MAML2: variants seen among roughly 807,000 people sequenced by gnomAD.
MAML2 encodes mastermind like transcriptional coactivator 2.
A neutral mutation model predicts 96.1 loss-of-function variants in MAML2; 22 were observed. The ratio of observed to expected loss-of-function variants is 0.23; its 90% CI spans 0.16 to 0.33. The LOEUF (loss-of-function observed/expected upper bound fraction) is 0.33. MAML2 is among the 10% of genes least tolerant of loss of function. The pLI is 1.00. For synonymous variants in MAML2, 561 were observed against 521.3 expected, an observed-to-expected ratio of 1.08 and a Z score of -1.04; for missense variants, 1,367 against 1,392.4, an observed-to-expected ratio of 0.98 and a Z score of 0.29.
At chr11:96,112,169 G>A (rs1860139739) in intron 1 of MAML2, among the ~76,000 whole-genome samples, 1 of 152,182 alleles carries the variant, frequency 6.6e-6, no homozygotes, top group Admixed American at 6.5e-5. Context: ...ATCGGATAGG[G>A]CACTCTATAC....
chr11:96,299,932 G>T (rs1055755639), intron 1 of MAML2, among the ~76,000 whole-genome samples: 3 of 152,340 alleles, frequency 2.0e-5, no homozygotes, highest in Admixed American at 6.5e-5. Flanking sequence ...AACTGAAAGT[G>T]TTGGTAAGTT....
At chr11:96,300,061 G>T (rs1407498441) in intron 1 of MAML2, among the ~76,000 whole-genome samples, 4 of 152,138 alleles carry the variant, frequency 2.6e-5, no homozygotes, top group African/African-American at 7.2e-5. Context: ...AAGAACAGGA[G>T]GCTCAGAGAG....
intron 1 of MAML2, among the ~76,000 whole-genome samples, chr11:96,338,476 G>C (rs1404339373): frequency 1.3e-5 from 2 of 152,182 alleles, no homozygotes; most frequent in Non-Finnish European, 2.9e-5. Context: ...GAAACTTAAG[G>C]CTATTGAAAG....
At chr11:95,985,679 A>T in intron 3 of MAML2, 37 bp from the exon 4 acceptor site, 1 of 1,349,286 alleles carries the variant, frequency 7.4e-7, no homozygotes, top group African/African-American at 1.4e-5. Flanking sequence ...ATGTTGCATC[A>T]TTCCCTTTTC....
intron 1 of MAML2, among the ~76,000 whole-genome samples, chr11:96,203,921 C>T (rs1478404628): frequency 6.6e-6 from 1 of 152,172 alleles, no homozygotes; most frequent in African/African-American, 2.4e-5. Context: ...AGTGCTCTCA[C>T]AGGAAATAGA....
At chr11:96,293,083 GA>G (rs1333949701) in intron 1 of MAML2, among the ~76,000 whole-genome samples, 1 of 152,152 alleles carries the variant, frequency 6.6e-6, no homozygotes, top group Admixed American at 6.5e-5. Flanking sequence ...CCACATCTTA[GA>G]CATGCATACA....
chr11:96,245,334 GT>G (rs1394673992), intron 1 of MAML2, among the ~76,000 whole-genome samples: 1 of 150,120 alleles, frequency 6.7e-6, no homozygotes, highest in Admixed American at 6.7e-5. Flanking sequence ...ATATGAGAAT[GT>G]TTTGATAAAT....
Position 96,093,089 on chromosome 11 carries a change from G to A in MAML2, c.942C>T (p.Thr314=). The part of the protein sequence containing the change: ...PELQELFNEL[T]NISVPPMSDL... ...CACTCATGGGAGGCACAGATATGTT[G>A]GTCAGTTCATTGAACAGTTCCTGCA... is the stretch of plus-strand genomic sequence containing the variant. Residue 314 remains threonine, a synonymous_variant, in exon 2 of 5, where the codon ACC becomes ACT. Coordinates refer to ENST00000524717, the MANE Select transcript of MAML2 (RefSeq NM_032427.4). The A allele has an allele frequency of 6.2e-7, 1 of 1,613,968 alleles. No homozygotes were observed. The highest frequency in any genetic ancestry group is 8.5e-7 in the Non-Finnish European group (1 of 1,179,892).
chr11:96,330,683 G>A (rs1863840907), intron 1 of MAML2, among the ~76,000 whole-genome samples: 1 of 152,178 alleles, frequency 6.6e-6, no homozygotes, highest in Non-Finnish European at 1.5e-5. Flanking sequence ...ACTTGTGTGT[G>A]GGCAGTTGGT....
chr11:96,135,205 C>A (rs932406974), intron 1 of MAML2, among the ~76,000 whole-genome samples: 34 of 152,198 alleles, frequency 2.2e-4, no homozygotes, highest in African/African-American at 7.7e-4. Flanking sequence ...GTCTCTGTTC[C>A]CCCTTTATCT....
chr11:96,113,131 G>A (rs1175658431), intron 1 of MAML2, among the ~76,000 whole-genome samples: 1 of 150,804 alleles, frequency 6.6e-6, no homozygotes, highest in African/African-American at 2.4e-5. Flanking sequence ...AGGAGGAAGA[G>A]GAGGAGGAAA....
chr11:96,129,141 G>A (rs373130738), intron 1 of MAML2, among the ~76,000 whole-genome samples: 11 of 152,118 alleles, frequency 7.2e-5, no homozygotes, highest in Admixed American at 2.6e-4. Context: ...CAGGGCAGCC[G>A]TTATGTTCAA....
intron 1 of MAML2, among the ~76,000 whole-genome samples, chr11:96,259,192 A>G (rs1293925823): frequency 6.6e-6 from 1 of 152,092 alleles, no homozygotes; most frequent in Non-Finnish European, 1.5e-5. Flanking sequence ...TCAATTTTCT[A>G]AGTGAAGGCC....
At chr11:96,115,490 C>A (rs966930562) in intron 1 of MAML2, among the ~76,000 whole-genome samples, 1 of 149,468 alleles carries the variant, frequency 6.7e-6, no homozygotes. Context: ...TTTTTTTAAA[C>A]CCCATTCATA....
intron 2 of MAML2, among the ~76,000 whole-genome samples, chr11:96,002,793 G>A (rs562231891): frequency 2.9e-5 from 4 of 139,448 alleles, no homozygotes; most frequent in Non-Finnish European, 3.1e-5. Context: ...GAGGATGATG[G>A]GGATGATGAA....
intron 1 of MAML2, among the ~76,000 whole-genome samples, chr11:96,336,877 G>A (rs959660617): frequency 6.6e-6 from 1 of 152,118 alleles, no homozygotes; most frequent in Admixed American, 6.5e-5. Context: ...TAAACATTAC[G>A]ATTTAGAAAC....
chr11:96,329,042 T>C (rs1259967596), intron 1 of MAML2, among the ~76,000 whole-genome samples: 1 of 152,286 alleles, frequency 6.6e-6, no homozygotes, highest in African/African-American at 2.4e-5. Context: ...GCTGAAAGAC[T>C]AGTTAGTTCT....
intron 1 of MAML2, among the ~76,000 whole-genome samples, chr11:96,173,462 A>C (rs1861332421): frequency 6.6e-6 from 1 of 152,134 alleles, no homozygotes; most frequent in Non-Finnish European, 1.5e-5. Context: ...TCCTGGAAAG[A>C]CTAAGATTTT....
intron 1 of MAML2, among the ~76,000 whole-genome samples, chr11:96,191,000 T>C (rs1861644659): frequency 6.6e-6 from 1 of 152,218 alleles, no homozygotes; most frequent in South Asian, 2.1e-4. Flanking sequence ...ATTGGCAACA[T>C]AGCATTCAGT....
Sources: allele counts gnomAD v4.1 joint callset (sites outside exome capture counted in the v4.1 genomes callset), GRCh38; gene constraint gnomAD v4.1.1; transcripts MANE v1.5; gene names NCBI Gene and HGNC (gene_info 2026-07-23, HGNC 2026-07-21).